Variants in SH3GL2 observed in about 807,000 individuals in gnomAD.
SH3GL2 encodes endophilin-A1.
Under a neutral mutation model 46.0 loss-of-function variants are expected in SH3GL2, and 24 were observed. That is an observed-to-expected ratio of 0.52 (90% CI 0.38 to 0.73). The LOEUF is 0.73. SH3GL2 is among the 30% of genes least tolerant of loss of function. The probability of loss-of-function intolerance (pLI) is 0.00; values close to 1 mark genes in which losing one functional copy is unlikely to be tolerated. For missense variants in SH3GL2, 413 were observed against 424.2 expected, an observed-to-expected ratio of 0.97 and a Z score of 0.23; for synonymous variants, 196 against 147.1, an observed-to-expected ratio of 1.33 and a Z score of -2.40.
chr9:17,692,804 T>TAA (rs894740821), intron 1 of SH3GL2, among the ~76,000 whole-genome samples: 3 of 152,164 alleles, frequency 2.0e-5, no homozygotes, highest in African/African-American at 4.8e-5. Context: ...TAATTGGACT[T>TAA]ACGGTTCCAC....
chr9:17,591,695 T>G (rs1818484383), intron 1 of SH3GL2, among the ~76,000 whole-genome samples: 1 of 152,198 alleles, frequency 6.6e-6, no homozygotes, highest in Non-Finnish European at 1.5e-5. Flanking sequence ...GGTCTCAAAG[T>G]TCATCAGCAG....
At chr9:17,726,452 G>A (rs774164490) in intron 1 of SH3GL2, among the ~76,000 whole-genome samples, 14 of 152,162 alleles carry the variant, frequency 9.2e-5, no homozygotes, top group Non-Finnish European at 1.3e-4. Flanking sequence ...AAGGAGTGAT[G>A]CAAACAGTGT....
intron 1 of SH3GL2, among the ~76,000 whole-genome samples, chr9:17,738,626 T>TATATATATA: frequency 1.3e-5 from 1 of 74,814 alleles, no homozygotes; most frequent in Non-Finnish European, 2.5e-5. Context: ...TCATGTGATT[T>TATATATATA]TATATATATA....
chr9:17,586,064 C>CT (rs1818372552), intron 1 of SH3GL2, among the ~76,000 whole-genome samples: 1 of 152,204 alleles, frequency 6.6e-6, no homozygotes, highest in African/African-American at 2.4e-5. Context: ...CCTGCCAAGT[C>CT]TTTTGCATTC....
intron 3 of SH3GL2, among the ~76,000 whole-genome samples, chr9:17,764,537 A>G (rs1013388970): frequency 7.2e-5 from 11 of 152,268 alleles, no homozygotes; most frequent in African/African-American, 2.7e-4. Context: ...CTGGTTCTGA[A>G]TAAGCAAGAT....
At chr9:17,622,219 G>C (rs1214043649) in intron 1 of SH3GL2, among the ~76,000 whole-genome samples, 1 of 151,932 alleles carries the variant, frequency 6.6e-6, no homozygotes, top group Non-Finnish European at 1.5e-5. Context: ...TGCCAGGGTG[G>C]TACATTAAAA....
chr9:17,668,279 TTG>T (rs1820392440), intron 1 of SH3GL2, among the ~76,000 whole-genome samples: 1 of 152,232 alleles, frequency 6.6e-6, no homozygotes, highest in Non-Finnish European at 1.5e-5. Flanking sequence ...TAAATTTACT[TTG>T]AGTTAATTTT....
chr9:17,603,758 G>T (rs1321566742), intron 1 of SH3GL2, among the ~76,000 whole-genome samples: 1 of 152,126 alleles, frequency 6.6e-6, no homozygotes, highest in Non-Finnish European at 1.5e-5. Context: ...TACTCGGGAG[G>T]CTGAGACAGG....
At chr9:17,647,182 T>C (rs1291566456) in intron 1 of SH3GL2, among the ~76,000 whole-genome samples, 1 of 152,338 alleles carries the variant, frequency 6.6e-6, no homozygotes, top group Admixed American at 6.5e-5. Flanking sequence ...CATATCTAAA[T>C]TGACTTGTAA....
At chr9:17,599,287 T>G (rs568018585) in intron 1 of SH3GL2, among the ~76,000 whole-genome samples, 1 of 152,324 alleles carries the variant, frequency 6.6e-6, no homozygotes, top group East Asian at 1.9e-4. Flanking sequence ...TTTTTGCTAC[T>G]TGTAAAAATG....
chr9:17,787,051 G>T (rs1247147321), intron 4 of SH3GL2, among the ~76,000 whole-genome samples: 2 of 152,140 alleles, frequency 1.3e-5, no homozygotes, highest in African/African-American at 4.8e-5. Flanking sequence ...GTTGAACCCG[G>T]CTATTTCTGG....
At chr9:17,631,133 A>G (rs959946720) in intron 1 of SH3GL2, among the ~76,000 whole-genome samples, 1 of 152,224 alleles carries the variant, frequency 6.6e-6, no homozygotes, top group African/African-American at 2.4e-5. Flanking sequence ...TAGAGGAAAA[A>G]ACCCGCAATT....
chr9:17,741,896 T>A (rs1263230782), intron 1 of SH3GL2, among the ~76,000 whole-genome samples: 2 of 151,850 alleles, frequency 1.3e-5, no homozygotes, highest in Non-Finnish European at 2.9e-5. Flanking sequence ...AGATGGGGAG[T>A]CACAGATGAT....
intron 1 of SH3GL2, among the ~76,000 whole-genome samples, chr9:17,582,588 G>C (rs1818297772): frequency 6.6e-6 from 1 of 152,162 alleles, no homozygotes; most frequent in Admixed American, 6.5e-5. Context: ...GACACATTTT[G>C]CTTTACAATA....
At chr9:17,592,620 C>G (rs1306316953) in intron 1 of SH3GL2, among the ~76,000 whole-genome samples, 1 of 152,150 alleles carries the variant, frequency 6.6e-6, no homozygotes, top group Non-Finnish European at 1.5e-5. Context: ...GAGATTTCCT[C>G]CTTCACTAAA....
intron 1 of SH3GL2, among the ~76,000 whole-genome samples, chr9:17,697,761 T>A (rs1447596793): frequency 1.3e-5 from 2 of 152,186 alleles, no homozygotes; most frequent in East Asian, 3.9e-4. Context: ...TTAAACTGTC[T>A]CATAGTTTTG....
chr9:17,711,381 A>G (rs996018722), intron 1 of SH3GL2, among the ~76,000 whole-genome samples: 1 of 151,896 alleles, frequency 6.6e-6, no homozygotes, highest in Admixed American at 6.6e-5. Context: ...TGACATATAT[A>G]TACATCTGTG....
At chr9:17,731,538 G>A (rs1366808667) in intron 1 of SH3GL2, among the ~76,000 whole-genome samples, 1 of 151,942 alleles carries the variant, frequency 6.6e-6, no homozygotes, top group Non-Finnish European at 1.5e-5. Flanking sequence ...GAAGGCAAAG[G>A]CAGCGTCATG....
chr9:17,716,941 CATACATATGGTTG>C (rs1304309383), intron 1 of SH3GL2, among the ~76,000 whole-genome samples: 1 of 152,138 alleles, frequency 6.6e-6, no homozygotes, highest in Admixed American at 6.6e-5. Flanking sequence ...TAGATTCATA[CATACATATGGTTG>C]ATTGGTTGGT....
Sources: gnomAD v4.1 joint callset for allele counts (sites outside exome capture counted in the v4.1 genomes callset) on GRCh38, gnomAD v4.1.1 for gene constraint, MANE v1.5 for transcripts, NCBI Gene and HGNC (gene_info 2026-07-23, HGNC 2026-07-21) for gene names.